C10orf90: variants seen among roughly 807,000 people sequenced by gnomAD.
The protein encoded by C10orf90 is chromosome 10 open reading frame 90, also known as (E2-independent) E3 ubiquitin-conjugating enzyme FATS.
In C10orf90, 56 loss-of-function variants were observed where a neutral mutation model predicts 62.5. The observed-to-expected ratio is 0.90, with a 90% CI of 0.72 to 1.12. C10orf90 has a LOEUF of 1.12. C10orf90 is among the 50% of genes most tolerant of loss of function. The pLI is 0.00. For synonymous variants in C10orf90, 386 were observed against 340.4 expected, an observed-to-expected ratio of 1.13 and a Z score of -1.47; for missense variants, 970 against 880.4, an observed-to-expected ratio of 1.10 and a Z score of -1.29.
intron 2 of C10orf90, among the ~76,000 whole-genome samples, chr10:126,599,920 G>C (rs1393147756): frequency 6.6e-6 from 1 of 152,194 alleles, no homozygotes; most frequent in African/African-American, 2.4e-5. Context: ...AGGAAGAAGA[G>C]AGTATCTTTT....
rs1392415721 is a variant in C10orf90 at position 126,490,030 on chromosome 10, TATATAA to T, written c.1534+13921_1534+13926del. Among the ~76,000 whole-genome samples, 198 of 114,810 alleles carry T rather than the reference TATATAA, an allele frequency of 1.7e-3. 1 individual carries two copies. The highest frequency in any genetic ancestry group is 3.8e-3 in the African/African-American group (113 of 29,714). 75.3% of individuals were successfully genotyped at this position (114,810 alleles called of 152,430 possible). On this transcript the variant is annotated intron_variant, in intron 4 of 9. Coordinates refer to ENST00000488181, the MANE Select transcript of C10orf90 (RefSeq NM_001350921.2). ...TATATATATTATATATAATATATAA[TATATAA>T]TATATATTATATATTATGTTATATA... is the stretch of plus-strand genomic sequence containing the variant.
At chr10:126,474,615 G>T (rs1393598420) in intron 4 of C10orf90, among the ~76,000 whole-genome samples, 1 of 152,126 alleles carries the variant, frequency 6.6e-6, no homozygotes, top group Non-Finnish European at 1.5e-5. Flanking sequence ...ATCTTGGAAA[G>T]AAATATCGCA....
chr10:126,612,823 A>T (rs1372073845), intron 2 of C10orf90, among the ~76,000 whole-genome samples: 1 of 152,224 alleles, frequency 6.6e-6, no homozygotes, highest in African/African-American at 2.4e-5. Context: ...TTTCTAAAAA[A>T]AGAAGTTGCT....
chr10:126,639,507 G>T (rs1025112727), intron 2 of C10orf90, among the ~76,000 whole-genome samples: 2 of 152,252 alleles, frequency 1.3e-5, no homozygotes, highest in Middle Eastern at 3.4e-3. Flanking sequence ...ACACCTCAGA[G>T]GGGGAATTCA....
chr10:126,573,153 G>A (rs1465454362), intron 2 of C10orf90, among the ~76,000 whole-genome samples: 1 of 152,096 alleles, frequency 6.6e-6, no homozygotes, highest in African/African-American at 2.4e-5. Context: ...TCCCTTTTAA[G>A]GGCTTACAAC....
intron 7 of C10orf90, among the ~76,000 whole-genome samples, chr10:126,447,379 G>A (rs1858854782): frequency 2.0e-5 from 3 of 152,024 alleles, no homozygotes; most frequent in Admixed American, 1.3e-4. Flanking sequence ...AGAGAGCAGA[G>A]GTAGCTATAG....
At chr10:126,580,631 C>A (rs1844728054) in intron 2 of C10orf90, among the ~76,000 whole-genome samples, 1 of 137,088 alleles carries the variant, frequency 7.3e-6, no homozygotes, top group Admixed American at 7.6e-5. Flanking sequence ...CCAGCCTGGG[C>A]AACAGAGCGA....
chr10:126,425,913 A>T lies in C10orf90; in HGVS notation c.2353-11T>A. 6.2e-7 allele frequency: 1 copy of T among 1,614,098 alleles called. No individual in the cohort carries two copies. The highest frequency in any genetic ancestry group is 8.5e-7 in the Non-Finnish European group (1 of 1,179,990). On this transcript the variant is annotated splice_polypyrimidine_tract_variant and intron_variant, in intron 9 of 9. Transcript: ENST00000488181. ...CTGGTCCAGTAATTGCTAGAGGAAA[A>T]GGGAAACAAAGATGTCAAGTTGAGA...
chr10:126,536,585 G>C (rs1372679711), intron 2 of C10orf90, among the ~76,000 whole-genome samples: 15 of 152,136 alleles, frequency 9.9e-5, no homozygotes, highest in Admixed American at 9.8e-4. Flanking sequence ...GACCCAAGCT[G>C]TCCCACCAAG....
chr10:126,565,308 TATATTATA>T (rs1844341969), intron 2 of C10orf90, among the ~76,000 whole-genome samples: 1 of 61,944 alleles, frequency 1.6e-5, no homozygotes, highest in African/African-American at 7.2e-5. Context: ...TATTATATAT[TATATTATA>T]TATATTATAT....
intron 2 of C10orf90, among the ~76,000 whole-genome samples, chr10:126,577,747 C>T (rs1844656396): frequency 6.6e-6 from 1 of 152,056 alleles, no homozygotes; most frequent in African/African-American, 2.4e-5. Context: ...GATATCAACT[C>T]ATGCTAAAGT....
At chr10:126,499,414 A>T (rs1425869648) in intron 4 of C10orf90, among the ~76,000 whole-genome samples, 1 of 152,246 alleles carries the variant, frequency 6.6e-6, no homozygotes, top group African/African-American at 2.4e-5. Flanking sequence ...ATTCTAGATC[A>T]TTGAAGAAAA....
rs1863854496 is a variant in C10orf90 at position 126,523,901 on chromosome 10, T to C, written c.314-9962A>G. 2.6e-5 allele frequency among the ~76,000 whole-genome samples: 4 copies of C among 152,310 alleles called. No individual in the cohort carries two copies. In the South Asian group the frequency reaches 8.3e-4, roughly 32 times the overall value. ...ATCCGTGTTGTAGCATGTGTCAGAA[T>C]TTCCTTCCTTTTTAAGGATAAATGA... On this transcript the variant is annotated intron_variant, in intron 2 of 9. Coordinates refer to ENST00000488181, the MANE Select transcript of C10orf90 (RefSeq NM_001350921.2).
rs551973906 is a variant in C10orf90 at position 126,477,076 on chromosome 10, ATTTTTTTTTTTTTTTTTTTTTTTTTTT to A, written c.1535-12117_1535-12091del. 2.7e-4 allele frequency among the ~76,000 whole-genome samples: 15 copies of A among 56,484 alleles called. 1 individual carries two copies. The highest frequency in any genetic ancestry group is 2.5e-3 in the East Asian group (4 of 1,612). The allele number at this position is 56,484 out of a possible 152,430, so 37.1% of individuals were successfully genotyped here. The stretch of plus-strand genomic sequence containing the variant: ...AGGTGCCCAACATCACGCCTGGCTA[ATTTTTTTTTTTTTTTTTTTTTTTTTTT>A]TTTTTTTTTTTTTTTGGATTTTTGG... On this transcript the variant is annotated intron_variant, in intron 4 of 9. Coordinates refer to ENST00000488181, the MANE Select transcript of C10orf90 (RefSeq NM_001350921.2).
intron 4 of C10orf90, among the ~76,000 whole-genome samples, chr10:126,474,679 C>A (rs959648013): frequency 6.6e-6 from 1 of 152,170 alleles, no homozygotes; most frequent in African/African-American, 2.4e-5. Context: ...CACCAAACAT[C>A]GGTCATATCA....
intron 2 of C10orf90, among the ~76,000 whole-genome samples, chr10:126,618,079 C>T (rs563567345): frequency 6.6e-6 from 1 of 152,264 alleles, no homozygotes; most frequent in South Asian, 2.1e-4. Flanking sequence ...GGCTCCCTCA[C>T]CATGAGGCTC....
At chr10:126,655,025 C>T (rs775664784) in intron 1 of C10orf90, among the ~76,000 whole-genome samples, 12 of 152,052 alleles carry the variant, frequency 7.9e-5, no homozygotes, top group Non-Finnish European at 1.6e-4. Flanking sequence ...AAGACATTTA[C>T]AATAGTAATA....
At chr10:126,608,812 C>T (rs544530457) in intron 2 of C10orf90, among the ~76,000 whole-genome samples, 1 of 152,284 alleles carries the variant, frequency 6.6e-6, no homozygotes, top group South Asian at 2.1e-4. Context: ...TTTATGTCAA[C>T]ATTTAATGGA....
chr10:126,489,156 A>G (rs965974547), intron 4 of C10orf90, among the ~76,000 whole-genome samples: 1 of 152,168 alleles, frequency 6.6e-6, no homozygotes, highest in Non-Finnish European at 1.5e-5. Context: ...CCGGCAATAT[A>G]TTTATTTTTT....
Sources: allele counts gnomAD v4.1 joint callset (sites outside exome capture counted in the v4.1 genomes callset), GRCh38; gene constraint gnomAD v4.1.1; transcripts MANE v1.5; gene names NCBI Gene and HGNC (gene_info 2026-07-23, HGNC 2026-07-21).